The following PTPRO variants were observed in gnomAD, a reference collection of about 807,000 sequenced individuals.
The protein encoded by PTPRO is receptor-type tyrosine-protein phosphatase O.
A neutral mutation model predicts 145.2 loss-of-function variants in PTPRO; 62 were observed. The observed-to-expected ratio is 0.43, with a 90% CI of 0.35 to 0.53. PTPRO has a LOEUF of 0.53. PTPRO is among the 20% of genes least tolerant of loss of function. The pLI, the probability that PTPRO is intolerant of heterozygous loss-of-function variation, is 0.01. For missense variants in PTPRO, 1,345 were observed against 1,482.7 expected (o/e 0.91, Z 1.53); for synonymous variants, 565 against 514.7 (o/e 1.10, Z -1.32).
intron 1 of PTPRO, among the ~76,000 whole-genome samples, chr12:15,363,811 A>G (rs1011176135): frequency 2.0e-5 from 3 of 152,162 alleles, no homozygotes; most frequent in African/African-American, 7.2e-5. Flanking sequence ...TATTTGTTCA[A>G]GCAGAGATCA....
At chr12:15,560,339 C>T in intron 17 of PTPRO, 63 bp downstream of exon 17, 1 of 1,272,038 alleles carries the variant, frequency 7.9e-7, no homozygotes, top group Non-Finnish European at 1.1e-6. Context: ...AAGAAGTAAA[C>T]AAAAAGGAAA....
At chr12:15,559,189 G>A (rs759121059) in intron 16 of PTPRO, among the ~76,000 whole-genome samples, 1 of 152,144 alleles carries the variant, frequency 6.6e-6, no homozygotes, top group Non-Finnish European at 1.5e-5. Flanking sequence ...TGGAATTTAT[G>A]GGAGACCAGT....
chr12:15,369,298 G>C (rs1268822402), intron 1 of PTPRO, among the ~76,000 whole-genome samples: 1 of 152,160 alleles, frequency 6.6e-6, no homozygotes, highest in African/African-American at 2.4e-5. Flanking sequence ...GGTGAAGCAG[G>C]AAAGGAAAGC....
chr12:15,379,310 G>A (rs1938783704), intron 1 of PTPRO, among the ~76,000 whole-genome samples: 1 of 151,220 alleles, frequency 6.6e-6, no homozygotes, highest in African/African-American at 2.4e-5. Flanking sequence ...CCTTAGGTCA[G>A]GAGTTCAAGA....
In PTPRO at chr12:15,455,315, C is replaced by A. The variant is rs147752467; in HGVS notation, c.76-28659C>A. ...TCACCTCCCCACTGCCCCTTCCCCC[C>A]CACACACACAATACCTGAAATCTCT... On this transcript the variant is annotated intron_variant, in intron 1 of 26. Coordinates refer to ENST00000281171, the MANE Select transcript of PTPRO (RefSeq NM_030667.3). Among the ~76,000 whole-genome samples the A allele has an allele frequency of 4.2e-3, 644 of 152,184 alleles. 3 individuals carry two copies. Among genetic ancestry groups the A allele is most frequent in the African/African-American group, 0.014 (569 of 41,532 alleles).
chr12:15,436,675 G>A (rs1481815089), intron 1 of PTPRO, among the ~76,000 whole-genome samples: 2 of 152,228 alleles, frequency 1.3e-5, no homozygotes, highest in Admixed American at 6.5e-5. Flanking sequence ...ATGAGAGTAG[G>A]ATGCCATTTT....
Position 15,544,547 on chromosome 12 carries a change from G to A in PTPRO, c.2165-2022G>A, listed in dbSNP as rs1180682503. 3.4e-5 allele frequency among the ~76,000 whole-genome samples: 5 copies of A among 148,478 alleles called. No homozygotes were observed. In the East Asian group the frequency reaches 6.0e-4, roughly 18 times the overall value. On this transcript the variant is annotated intron_variant, in intron 12 of 26. Coordinates refer to ENST00000281171, the MANE Select transcript of PTPRO (RefSeq NM_030667.3). ...AAAAAAGATTAAAGGAAAAGGTAAC[G>A]AGTTTTTAAAAGATATGCTCTCTGG...
intron 7 of PTPRO, among the ~76,000 whole-genome samples, chr12:15,509,709 G>A (rs1157562184): frequency 2.9e-5 from 4 of 136,624 alleles, no homozygotes; most frequent in East Asian, 2.0e-4. Flanking sequence ...AAAAAAAAAA[G>A]AATATAAAGT....
chr12:15,432,965 G>A (rs1940485643), intron 1 of PTPRO, among the ~76,000 whole-genome samples: 1 of 152,048 alleles, frequency 6.6e-6, no homozygotes, highest in South Asian at 2.1e-4. Context: ...TTACTCTGTT[G>A]ATAGTTTTCA....
At position 15,471,916 on chromosome 12, in the gene PTPRO, C is replaced by A. The variant is rs137906961; in HGVS notation, c.76-12058C>A. Among the ~76,000 whole-genome samples the A allele has an allele frequency of 1.8e-4, 27 of 152,212 alleles. 1 individual carries two copies. On this transcript the variant is annotated intron_variant, in intron 1 of 26. Transcript: ENST00000281171. ...GAACCTGGCGAGTGTAGCCCCGGGACTCTGATTTTCCTGAAGAAACTGAAA... is the reference window on the plus strand; with the variant it reads ...GAACCTGGCGAGTGTAGCCCCGGGAATCTGATTTTCCTGAAGAAACTGAAA...
At chr12:15,400,517 C>T (rs1345670893) in intron 1 of PTPRO, among the ~76,000 whole-genome samples, 1 of 152,170 alleles carries the variant, frequency 6.6e-6, no homozygotes, top group Non-Finnish European at 1.5e-5. Context: ...TTCCCCACTG[C>T]CATCCTTACC....
rs950094494 is a variant in PTPRO, at chr12:15,580,228, T to C, written c.2997+113T>C. 37 of 827,564 alleles carry C rather than the reference T, an allele frequency of 4.5e-5. No homozygotes were observed. The South Asian group carries it at 4.5e-4, about 10-fold the overall frequency. 51.3% of individuals were successfully genotyped at this position (827,564 alleles called of 1,614,324 possible). A position where few individuals can be genotyped will look rare whatever the true frequency, so the allele number is the denominator to read the frequency against. On this transcript the variant is annotated intron_variant, in intron 21 of 26. Coordinates refer to ENST00000281171, the MANE Select transcript of PTPRO (RefSeq NM_030667.3). ...AAGAGAGCCTTTCCCAACCCAGCAATTGAATTCTAAAAAGTTTGCATTACT... is the reference window on the plus strand; with the variant it reads ...AAGAGAGCCTTTCCCAACCCAGCAACTGAATTCTAAAAAGTTTGCATTACT...
intron 1 of PTPRO, among the ~76,000 whole-genome samples, chr12:15,339,050 C>T (rs1001997168): frequency 3.3e-5 from 5 of 151,912 alleles, no homozygotes; most frequent in African/African-American, 9.7e-5. Context: ...GAAGTATTAA[C>T]GTATTAGTTT....
chr12:15,527,314 A>G (rs1186576522), intron 12 of PTPRO, among the ~76,000 whole-genome samples: 1 of 152,174 alleles, frequency 6.6e-6, no homozygotes, highest in Non-Finnish European at 1.5e-5. Flanking sequence ...CTGCCAACTC[A>G]TGTTTCTACA....
intron 1 of PTPRO, among the ~76,000 whole-genome samples, chr12:15,389,505 C>G (rs1401224101): frequency 6.6e-6 from 1 of 152,126 alleles, no homozygotes; most frequent in African/African-American, 2.4e-5. Flanking sequence ...TAACTTTTCT[C>G]TCTTTGTATT....
At chr12:15,576,592 T>C (rs1443794307) in intron 19 of PTPRO, among the ~76,000 whole-genome samples, 1 of 152,230 alleles carries the variant, frequency 6.6e-6, no homozygotes, top group East Asian at 1.9e-4. Flanking sequence ...GTTGGTCTGC[T>C]GGCATAAATG....
intron 1 of PTPRO, among the ~76,000 whole-genome samples, chr12:15,415,650 G>A (rs1939949885): frequency 6.6e-6 from 1 of 151,788 alleles, no homozygotes; most frequent in African/African-American, 2.4e-5. Flanking sequence ...CTCCCAAAGT[G>A]CTGGGATTAC....
chr12:15,451,495 C>T (rs533822176), intron 1 of PTPRO, among the ~76,000 whole-genome samples: 13 of 152,220 alleles, frequency 8.5e-5, no homozygotes, highest in Admixed American at 5.2e-4. Context: ...AACAAATGGA[C>T]TTAACAAATA....
chr12:15,543,683 G>A (rs142030618), intron 12 of PTPRO, among the ~76,000 whole-genome samples: 1 of 152,230 alleles, frequency 6.6e-6, no homozygotes, highest in East Asian at 1.9e-4. Context: ...AATCTAATAG[G>A]ATCTACTAGA....
Sources: gnomAD v4.1 joint callset for allele counts (sites outside exome capture counted in the v4.1 genomes callset) on GRCh38, gnomAD v4.1.1 for gene constraint, MANE v1.5 for transcripts, NCBI Gene and HGNC (gene_info 2026-07-23, HGNC 2026-07-21) for gene names.